Variants in RNF212 observed in about 807,000 individuals in gnomAD.
RNF212 encodes ring finger protein 212.
A neutral mutation model predicts 34.7 loss-of-function variants in RNF212; 33 were observed. The ratio of observed to expected loss-of-function variants is 0.95; its 90% CI spans 0.72 to 1.27. The LOEUF is 1.27. Ranked by LOEUF, RNF212 falls within the 50% of genes most tolerant of loss-of-function variation. RNF212 has a pLI of 0.00. For missense variants in RNF212, 377 were observed against 362.2 expected, an observed-to-expected ratio of 1.04 and a Z score of -0.33; for synonymous variants, 140 against 136.1, an observed-to-expected ratio of 1.03 and a Z score of -0.20.
At chr4:1,076,652 G>A (rs1385250197) in intron 8 of RNF212, among the ~76,000 whole-genome samples, 1 of 152,198 alleles carries the variant, frequency 6.6e-6, no homozygotes, top group Non-Finnish European at 1.5e-5. Context: ...GGGAGGACGG[G>A]AGCTCTTTCC....
chr4:1,113,479 C>T lies in RNF212; in HGVS notation c.-15G>A, dbSNP rs1203945330. ...CAGTTGGCCATGCCAGGCGGGCGAC[C>T]GCAGCGGCGAGGCCGGGCCCACGCG... On this transcript the variant is annotated 5_prime_UTR_variant, in exon 1 of 10. Transcript: ENST00000433731. 6.2e-7 allele frequency: 1 copy of T among 1,601,670 alleles called. No individual in the cohort carries two copies. The highest frequency in any genetic ancestry group is 8.5e-7 in the Non-Finnish European group (1 of 1,174,770).
In RNF212 at chr4:1,072,900, G is replaced by T. The variant is rs1297335953; in HGVS notation, c.868C>A (p.Gln290Lys). 2 of 1,611,382 alleles carry T rather than the reference G, an allele frequency of 1.2e-6. No individual in the cohort carries two copies. The highest frequency in any genetic ancestry group is 2.7e-5 in the African/African-American group (2 of 74,846). Reference sequence around the variant, plus strand: ...CAAAATGACTTTTTCCTTTCAAATTGGCAAAGAGGAAACACAACAGACACA... The same window carrying T: ...CAAAATGACTTTTTCCTTTCAAATTTGCAAAGAGGAAACACAACAGACACA... The part of the protein sequence containing the change: ...PAVSVVFPLC[Q>K]FERKKSF The change falls in exon 10 of 10, where the codon CAA (glutamine) becomes AAA (lysine). Residue 290 changes from glutamine to lysine, a missense_variant. Coordinates refer to ENST00000433731, the MANE Select transcript of RNF212 (RefSeq NM_001131034.4).
At chr4:1,058,769 C>T (rs1420125445) in intron 3 of RNF212, among the ~76,000 whole-genome samples, 1 of 152,170 alleles carries the variant, frequency 6.6e-6, no homozygotes, top group African/African-American at 2.4e-5. Context: ...ACTGAGGGGC[C>T]CTCGGCCCGT....
At chr4:1,056,888 G>T (rs866150145) in intron 4 of RNF212, 7 of 987,900 alleles carry the variant, frequency 7.1e-6, no homozygotes, top group East Asian at 1.1e-4. Flanking sequence ...CGGCCGGGGG[G>T]GCAGCCTGGC....
chr4:1,112,739 C>T (rs1180078191), intron 1 of RNF212, among the ~76,000 whole-genome samples: 1 of 141,256 alleles, frequency 7.1e-6, no homozygotes, highest in South Asian at 2.5e-4. Flanking sequence ...CTCCACGGCC[C>T]CTTCCTGCCT....
chr4:1,099,713 C>T (rs1274978192), intron 2 of RNF212: 1 of 456,278 alleles, frequency 2.2e-6, no homozygotes, highest in Admixed American at 2.3e-5. Context: ...AGTTAAATCT[C>T]ACAGCGTGAC....
intron 5 of RNF212, among the ~76,000 whole-genome samples, chr4:1,084,877 CAG>C (rs1364859635): frequency 1.3e-5 from 2 of 152,156 alleles, no homozygotes; most frequent in Non-Finnish European, 2.9e-5. Flanking sequence ...AAAATAACGA[CAG>C]GGGAAAGAAT....
At chr4:1,098,814 G>A (rs1275122005) in intron 2 of RNF212, among the ~76,000 whole-genome samples, 2 of 152,178 alleles carry the variant, frequency 1.3e-5, no homozygotes, top group East Asian at 1.9e-4. Flanking sequence ...CCAGCAGAGC[G>A]TGGCCCATGT....
chr4:1,110,787 G>C (rs1441150629), intron 1 of RNF212, among the ~76,000 whole-genome samples: 1 of 152,188 alleles, frequency 6.6e-6, no homozygotes, highest in Non-Finnish European at 1.5e-5. Flanking sequence ...GCTCTGCCCA[G>C]AGCCTCCACC....
intron 1 of RNF212, among the ~76,000 whole-genome samples, chr4:1,110,127 T>G (rs948079738): frequency 2.0e-5 from 3 of 152,152 alleles, no homozygotes; most frequent in African/African-American, 7.2e-5. Flanking sequence ...GGAGGAGGAT[T>G]AACAGACATG....
At chr4:1,088,249 A>C (rs1349818181) in intron 4 of RNF212, among the ~76,000 whole-genome samples, 1 of 152,228 alleles carries the variant, frequency 6.6e-6, no homozygotes, top group Non-Finnish European at 1.5e-5. Flanking sequence ...TAAGGAATTT[A>C]TTGGGACTGG....
rs531505537 is a variant in RNF212 at position 1,073,644 on chromosome 4, G to C, written c.529C>G (p.Pro177Ala). 163 of 1,611,824 alleles carry C rather than the reference G, an allele frequency of 1.0e-4. 1 individual carries two copies. In the South Asian group the frequency reaches 1.2e-3, roughly 12 times the overall value. Residue 177 changes from proline (P) to alanine (A), a missense_variant, in exon 9 of 10, where the codon CCT (proline) becomes GCT (alanine). By Grantham distance (27) the Pro-to-Ala change is conservative (BLOSUM62 -1). Transcript: ENST00000433731. Reference protein sequence around the residue: ...PIRKSEIAAGPARISMISPPQ... With the variant: ...PIRKSEIAAGAARISMISPPQ... Reference sequence around the variant, plus strand: ...GGACTAATCATGGAGATTCTCGCAGGGCCGGCTGCTATCTCAGACTAAGAA... The same window carrying C: ...GGACTAATCATGGAGATTCTCGCAGCGCCGGCTGCTATCTCAGACTAAGAA...
intron 7 of RNF212, among the ~76,000 whole-genome samples, chr4:1,080,343 T>A (rs1248096726): frequency 6.6e-6 from 1 of 152,130 alleles, no homozygotes; most frequent in East Asian, 1.9e-4. Context: ...CAGCACTCAT[T>A]TTGAAGACAG....
chr4:1,058,721 G>A (rs149097918), intron 3 of RNF212, among the ~76,000 whole-genome samples: 1 of 152,332 alleles, frequency 6.6e-6, no homozygotes, highest in African/African-American at 2.4e-5. Flanking sequence ...AGCAAGACCT[G>A]GAAACGAACT....
chr4:1,107,000 T>A (rs1577831959), intron 2 of RNF212, among the ~76,000 whole-genome samples: 1 of 151,940 alleles, frequency 6.6e-6, no homozygotes, highest in Middle Eastern at 3.4e-3. Context: ...TAAAATATAA[T>A]GCAGTCCTTT....
intron 8 of RNF212, among the ~76,000 whole-genome samples, chr4:1,078,327 G>A (rs149157258): frequency 1.1e-4 from 17 of 152,296 alleles, no homozygotes; most frequent in African/African-American, 4.1e-4. Flanking sequence ...CCTATGGGGT[G>A]CAGCTCACTC....
chr4:1,113,560 TCTGCGCCTGCGCAAAGTCGACGGCAGCC>T (rs999002047), exon 1 of RNF212: 5 of 977,498 alleles, frequency 5.1e-6, no homozygotes, highest in African/African-American at 3.4e-5. Context: ...GGCGGGCAGC[TCTGCGCCTGCGCAAAGTCGACGGCAGCC>T]CTGCGCCCGC....
At chr4:1,113,662 T>C (rs1195006880), upstream of RNF212, 4 of 476,042 alleles carry the variant, frequency 8.4e-6, no homozygotes, top group Non-Finnish European at 1.5e-5. Flanking sequence ...GGAGGGCGCG[T>C]GTGACTCGTC....
downstream of RNF212, among the ~76,000 whole-genome samples, chr4:1,069,933 G>T (rs889306868): frequency 2.0e-5 from 3 of 152,268 alleles, no homozygotes; most frequent in Non-Finnish European, 4.4e-5. Context: ...GACAACTGAC[G>T]GGATGGTACA....
Sources: gnomAD v4.1 joint callset for allele counts (sites outside exome capture counted in the v4.1 genomes callset) on GRCh38, gnomAD v4.1.1 for gene constraint, MANE v1.5 for transcripts, NCBI Gene and HGNC (gene_info 2026-07-23, HGNC 2026-07-21) for gene names.